Variants in TLK2 observed in about 807,000 individuals in gnomAD.
TLK2 encodes the protein serine/threonine-protein kinase tousled-like 2.
TLK2 carries 6 observed loss-of-function variants against 117.3 expected under a neutral mutation model. The observed-to-expected ratio is 0.05, with a 90% CI of 0.03 to 0.10. The LOEUF (loss-of-function observed/expected upper bound fraction) is 0.10. TLK2 is among the 10% of genes least tolerant of loss of function. TLK2 has a pLI of 1.00. For synonymous variants in TLK2, 257 were observed against 316.7 expected (o/e 0.81, Z 2.00); for missense variants, 299 against 901.2 (o/e 0.33, Z 8.56).
At chr17:62,505,407 A>ATTTTTGTTTTTTTTTTTTTTTTTTTT (rs2074591050) in intron 2 of TLK2, among the ~76,000 whole-genome samples, 1 of 53,756 alleles carries the variant, frequency 1.9e-5, no homozygotes, top group Non-Finnish European at 2.9e-5. Context: ...CCATACCCAG[A>ATTTTTGTTTTTTTTTTTTTTTTTTTT]TTTTTTTTTT....
In TLK2 at chr17:62,573,280, G is replaced by A. The variant is rs1307767111; in HGVS notation, c.1034G>A (p.Arg345Gln). Residue 345 changes from arginine (R) to glutamine (Q), a missense_variant, in exon 12 of 22, where the codon CGG becomes CAG. Transcript: ENST00000346027. ...IERQRKMLAK[R>Q]KPPAMGQAPP... ...AGACAACGGAAAATGTTAGCAAAGC[G>A]GAAACCTCCTGCCATGGGTCAGGCC... is the stretch of plus-strand genomic sequence containing the variant. 1 of 1,613,906 alleles carries A rather than the reference G, an allele frequency of 6.2e-7. No homozygotes were observed. The highest frequency in any genetic ancestry group is 8.5e-7 in the Non-Finnish European group (1 of 1,179,920).
chr17:62,474,843 T>A (rs1407610393), upstream of TLK2, among the ~76,000 whole-genome samples: 2 of 150,794 alleles, frequency 1.3e-5, no homozygotes, highest in South Asian at 2.1e-4. Flanking sequence ...TTTTTTTTTT[T>A]AAGAGACAAG....
intron 2 of TLK2, among the ~76,000 whole-genome samples, chr17:62,490,731 A>G (rs1255729096): frequency 6.6e-6 from 1 of 151,688 alleles, no homozygotes; most frequent in Non-Finnish European, 1.5e-5. Context: ...TAGTATAGAC[A>G]GGATTTCACC....
chr17:62,555,769 GC>G (rs1167733975), intron 9 of TLK2, among the ~76,000 whole-genome samples: 24 of 151,360 alleles, frequency 1.6e-4, no homozygotes, highest in Admixed American at 1.6e-3. Flanking sequence ...GAGCCACCGC[GC>G]CCGGCTATTA....
Position 62,583,619 on chromosome 17 carries a change from G to C in TLK2, c.1369-2516G>C, listed in dbSNP as rs145501856. Among the ~76,000 whole-genome samples the C allele has an allele frequency of 2.5e-3, 378 of 152,144 alleles. 1 individual carries two copies. The highest frequency in any genetic ancestry group is 8.4e-3 in the African/African-American group (348 of 41,510). Reference sequence around the variant, plus strand: ...AGACAGAGTCTCACTCTGTCGTCCAGGCTGTAGTGTAATGGTGTGATCTTG... The same window carrying C: ...AGACAGAGTCTCACTCTGTCGTCCACGCTGTAGTGTAATGGTGTGATCTTG... On this transcript the variant is annotated intron_variant, in intron 15 of 21. Transcript: ENST00000346027.
chr17:62,519,952 C>T (rs2075919499), intron 2 of TLK2, among the ~76,000 whole-genome samples: 1 of 152,262 alleles, frequency 6.6e-6, no homozygotes, highest in South Asian at 2.1e-4. Context: ...TTTGGGAACA[C>T]CCTTAGACTG....
chr17:62,563,579 T>C (rs1567927578), intron 10 of TLK2, among the ~76,000 whole-genome samples: 2 of 152,198 alleles, frequency 1.3e-5, no homozygotes, highest in African/African-American at 4.8e-5. Flanking sequence ...TTGGTTGAAA[T>C]AGACAGGACA....
At chr17:62,512,163 G>A (rs2075194360) in intron 2 of TLK2, among the ~76,000 whole-genome samples, 1 of 147,302 alleles carries the variant, frequency 6.8e-6, no homozygotes, top group Non-Finnish European at 1.5e-5. Context: ...AAAGGCTAAC[G>A]TGTTGAACAT....
At chr17:62,533,532 A>T (rs1202885122) in intron 6 of TLK2, among the ~76,000 whole-genome samples, 1 of 148,490 alleles carries the variant, frequency 6.7e-6, no homozygotes, top group African/African-American at 2.5e-5. Context: ...GCTGGAGTGC[A>T]GTGGTGTGAT....
intron 16 of TLK2, among the ~76,000 whole-genome samples, chr17:62,588,484 G>A (rs567713726): frequency 1.3e-5 from 2 of 152,298 alleles, no homozygotes; most frequent in South Asian, 4.2e-4. Flanking sequence ...TTCCATTCAA[G>A]TTCCAGGCTG....
intron 19 of TLK2, among the ~76,000 whole-genome samples, chr17:62,604,018 ATTTG>A (rs1002910769): frequency 3.3e-5 from 4 of 121,114 alleles, no homozygotes; most frequent in East Asian, 4.8e-4. Context: ...TTATTTATTT[ATTTG>A]AGACGGAGTT....
At chr17:62,522,364 A>G (rs2076102442) in intron 4 of TLK2, 91 bp downstream of exon 4, 1 of 1,362,192 alleles carries the variant, frequency 7.3e-7, no homozygotes, top group African/African-American at 1.5e-5. Context: ...GTTTGTACAC[A>G]GGGATTCCTG....
rs191088212 is a variant in TLK2 at position 62,585,821 on chromosome 17, G to A, written c.1369-314G>A. The A allele has an allele frequency of 8.4e-5, 17 of 203,098 alleles. No homozygotes were observed. The East Asian group carries it at 1.9e-3, about 23-fold the overall frequency. The allele number at this position is 203,098 out of a possible 1,614,324, so 12.6% of individuals were successfully genotyped here. On this transcript the variant is annotated intron_variant, in intron 15 of 21. Coordinates refer to ENST00000346027, the MANE Select transcript of TLK2 (RefSeq NM_006852.6). ...GATAAGAGACAACCTAAGGCAGACG[G>A]GTCCCAGACAGGAATAGATGGTGTC...
intron 13 of TLK2, among the ~76,000 whole-genome samples, chr17:62,577,234 G>A (rs1433443414): frequency 2.0e-5 from 3 of 151,840 alleles, no homozygotes; most frequent in Admixed American, 6.6e-5. Context: ...CTGGGATTAC[G>A]GGTTACAGGT....
intron 7 of TLK2, among the ~76,000 whole-genome samples, chr17:62,542,613 C>CA (rs2077616838): frequency 6.6e-6 from 1 of 152,136 alleles, no homozygotes; most frequent in African/African-American, 2.4e-5. Flanking sequence ...GGAACATTTA[C>CA]AATATTATGA....
At chr17:62,508,786 G>A (rs1482168151) in intron 2 of TLK2, among the ~76,000 whole-genome samples, 1 of 152,136 alleles carries the variant, frequency 6.6e-6, no homozygotes, top group Non-Finnish European at 1.5e-5. Context: ...TGGGCAACAT[G>A]GTAAAACCCT....
At chr17:62,476,852 TG>T (rs986150908), upstream of TLK2, among the ~76,000 whole-genome samples, 1 of 151,444 alleles carries the variant, frequency 6.6e-6, no homozygotes, top group Non-Finnish European at 1.5e-5. Context: ...GAGGCTGAGA[TG>T]GGCGGATCAA....
chr17:62,545,821 G>A (rs1395359115), intron 7 of TLK2, among the ~76,000 whole-genome samples: 1 of 151,994 alleles, frequency 6.6e-6, no homozygotes, highest in Non-Finnish European at 1.5e-5. Flanking sequence ...TCCCACCTCA[G>A]CCTCCCCAAA....
intron 7 of TLK2, among the ~76,000 whole-genome samples, chr17:62,537,962 AATGT>A (rs1295202765): frequency 2.0e-5 from 3 of 151,844 alleles, no homozygotes; most frequent in South Asian, 4.2e-4. Flanking sequence ...TGTTCTAAAG[AATGT>A]ATGTGTGTCA....
Sources: allele counts gnomAD v4.1 joint callset (sites outside exome capture counted in the v4.1 genomes callset), GRCh38; gene constraint gnomAD v4.1.1; transcripts MANE v1.5; gene names NCBI Gene and HGNC (gene_info 2026-07-23, HGNC 2026-07-21).